The following DOCK10 variants were observed in gnomAD, a reference collection of about 807,000 sequenced individuals.
DOCK10 encodes dedicator of cytokinesis protein 10.
A neutral mutation model predicts 280.1 loss-of-function variants in DOCK10; 145 were observed. That is an observed-to-expected ratio of 0.52 (90% CI 0.45 to 0.59). The LOEUF is 0.59. DOCK10 is among the 20% of genes least tolerant of loss of function. The probability of loss-of-function intolerance (pLI) is 0.00; values close to 1 mark genes in which losing one functional copy is unlikely to be tolerated. For missense variants in DOCK10, 2,368 were observed against 2,651.7 expected (o/e 0.89, Z 2.35); for synonymous variants, 915 against 942.2 (o/e 0.97, Z 0.53).
intron 1 of DOCK10, among the ~76,000 whole-genome samples, chr2:224,968,624 C>G (rs1704907505): frequency 6.6e-6 from 1 of 152,194 alleles, no homozygotes; most frequent in Non-Finnish European, 1.5e-5. Flanking sequence ...AATTTCAAAT[C>G]CTTACTGCTT....
At chr2:224,784,909 G>A (rs1691630338) in intron 50 of DOCK10, among the ~76,000 whole-genome samples, 1 of 152,116 alleles carries the variant, frequency 6.6e-6, no homozygotes, top group South Asian at 2.1e-4. Context: ...TATTAACGGG[G>A]TTTTTTACTT....
intron 1 of DOCK10, among the ~76,000 whole-genome samples, chr2:225,038,328 GA>G (rs1690322259): frequency 6.6e-6 from 1 of 151,626 alleles, no homozygotes; most frequent in East Asian, 1.9e-4. Context: ...ACCAAGTTCA[GA>G]GGGGAGAAAA....
intron 1 of DOCK10, among the ~76,000 whole-genome samples, chr2:225,019,112 T>A (rs1432307435): frequency 6.6e-6 from 1 of 152,148 alleles, no homozygotes; most frequent in Non-Finnish European, 1.5e-5. Flanking sequence ...TACAAACTCT[T>A]CAGCAATTGT....
At chr2:224,967,110 C>G (rs578136043) in intron 1 of DOCK10, among the ~76,000 whole-genome samples, 2 of 147,482 alleles carry the variant, frequency 1.4e-5, no homozygotes, top group East Asian at 2.0e-4. Flanking sequence ...GACGGAGTCT[C>G]GCTCTGTCGC....
intron 13 of DOCK10, among the ~76,000 whole-genome samples, chr2:224,863,730 C>T (rs939066100): frequency 6.6e-6 from 1 of 152,166 alleles, no homozygotes; most frequent in African/African-American, 2.4e-5. Context: ...GGATTACAGG[C>T]GTGAGCCACT....
At chr2:224,992,108 A>G (rs1559934440) in intron 1 of DOCK10, among the ~76,000 whole-genome samples, 1 of 152,238 alleles carries the variant, frequency 6.6e-6, no homozygotes, top group African/African-American at 2.4e-5. Context: ...AAGTTAAGTG[A>G]TCAAATTGGG....
intron 55 of DOCK10, among the ~76,000 whole-genome samples, chr2:224,766,043 T>A (rs1421789600): frequency 1.3e-5 from 2 of 152,236 alleles, no homozygotes; most frequent in African/African-American, 4.8e-5. Context: ...TTAAAATATT[T>A]TCACAATCCT....
intron 27 of DOCK10, among the ~76,000 whole-genome samples, chr2:224,829,801 T>A (rs1230683821): frequency 6.6e-6 from 1 of 152,042 alleles, no homozygotes; most frequent in African/African-American, 2.4e-5. Flanking sequence ...GGATGGGAGA[T>A]GATGAGTAAT....
chr2:224,823,944 T>C (rs1574885840), intron 27 of DOCK10, among the ~76,000 whole-genome samples: 1 of 152,190 alleles, frequency 6.6e-6, no homozygotes, highest in East Asian at 1.9e-4. Context: ...CAAAGTAAAA[T>C]GTGAACCTTC....
At chr2:224,966,925 A>G (rs1704782357) in intron 1 of DOCK10, among the ~76,000 whole-genome samples, 1 of 151,922 alleles carries the variant, frequency 6.6e-6, no homozygotes, top group Admixed American at 6.6e-5. Flanking sequence ...CTCACATTTC[A>G]TGGTATCAGG....
chr2:224,773,079 G>T, intron 53 of DOCK10, 78 bp downstream of exon 53: 1 of 1,295,800 alleles, frequency 7.7e-7, no homozygotes, highest in Non-Finnish European at 1.0e-6. Flanking sequence ...TATATTCTTT[G>T]TAAACAAAGT....
In DOCK10 at chr2:224,919,962, C is replaced by G. The variant is rs183898660; in HGVS notation, c.244-3178G>C. ...AGAGGCTGTGGCTACCAATTCAAACCAGGCATAGGTGCAGGGAGCAAGCAT... is the reference window on the plus strand; with the variant it reads ...AGAGGCTGTGGCTACCAATTCAAACGAGGCATAGGTGCAGGGAGCAAGCAT... On this transcript the variant is annotated intron_variant, in intron 2 of 55. Coordinates refer to ENST00000258390, the MANE Select transcript of DOCK10 (RefSeq NM_014689.3). 3.8e-3 allele frequency among the ~76,000 whole-genome samples: 584 copies of G among 152,256 alleles called. 11 individuals are homozygous for G. Among genetic ancestry groups the G allele is most frequent in the African/African-American group, 0.013 (559 of 41,534 alleles).
intron 1 of DOCK10, among the ~76,000 whole-genome samples, chr2:225,014,081 A>ATATATATATT (rs776104946): frequency 2.9e-4 from 28 of 96,820 alleles, no homozygotes; most frequent in Non-Finnish European, 4.1e-4. Flanking sequence ...GTCTGAATAT[A>ATATATATATT]TTGTTTTTTT....
At chr2:224,955,986 T>G (rs1465578603) in intron 1 of DOCK10, among the ~76,000 whole-genome samples, 2 of 152,172 alleles carry the variant, frequency 1.3e-5, no homozygotes, top group Admixed American at 1.3e-4. Flanking sequence ...AAGAGAGAAT[T>G]AGAACAGACT....
intron 50 of DOCK10, chr2:224,784,828 C>T (rs1234000902): frequency 8.5e-7 from 1 of 1,182,406 alleles, no homozygotes; most frequent in East Asian, 5.7e-5. Context: ...CTTCTACCTG[C>T]TTTAGAGCCC....
rs1699234743 is a variant in DOCK10 at position 224,885,676 on chromosome 2, C to T, written c.742G>A (p.Val248Met). The T allele has an allele frequency of 5.6e-6, 9 of 1,605,846 alleles. No homozygotes were observed. The highest frequency in any genetic ancestry group is 1.7e-4 in the Middle Eastern group (1 of 6,040). Residue 248 changes from valine to methionine, a missense_variant, in exon 7 of 56, where the codon GTG becomes ATG. Around this residue, in one of 2 missense-constraint regions of DOCK10, gnomAD observed 1,209 missense variants for 1,250.9 expected, o/e 0.97. Coordinates refer to ENST00000258390, the MANE Select transcript of DOCK10 (RefSeq NM_014689.3). ...CIFLDSCTGV[V>M]QNNRLRKYAF... Reference sequence around the variant, plus strand: ...GAAAAGGGATGTCTACTCACCTGCACCACTCCTGTACAGGAATCCAAAAAG... The same window carrying T: ...GAAAAGGGATGTCTACTCACCTGCATCACTCCTGTACAGGAATCCAAAAAG...
Position 224,957,291 on chromosome 2 carries a change from C to CT in DOCK10, c.124-25624_124-25623insA, listed in dbSNP as rs1553622561. On this transcript the variant is annotated intron_variant, in intron 1 of 55. Transcript: ENST00000258390. ...TATTTAGTTTTTACTTTCCGCCCCCCCCCGGCTTTGTTTTTCGGAGATGGG... is the reference window on the plus strand; with the variant it reads ...TATTTAGTTTTTACTTTCCGCCCCCCTCCCGGCTTTGTTTTTCGGAGATGGG... Among the ~76,000 whole-genome samples, 126 of 146,184 alleles carry CT rather than the reference C, an allele frequency of 8.6e-4. 4 individuals are homozygous for CT. In the East Asian group the frequency reaches 0.016, roughly 19 times the overall value.
At chr2:225,029,165 TTTTATTTA>T (rs895217481) in intron 1 of DOCK10, among the ~76,000 whole-genome samples, 11 of 152,214 alleles carry the variant, frequency 7.2e-5, no homozygotes, top group African/African-American at 2.4e-4. Flanking sequence ...TTCTATTTTA[TTTTATTTA>T]TTTATTTATT....
At chr2:224,765,921 G>T in intron 55 of DOCK10, 84 bp from the exon 56 acceptor site, 1 of 974,190 alleles carries the variant, frequency 1.0e-6, no homozygotes, top group Non-Finnish European at 1.5e-6. Flanking sequence ...CCAGAATAGA[G>T]GTTTTCATTC....
Sources: gnomAD v4.1 joint callset for allele counts (sites outside exome capture counted in the v4.1 genomes callset) on GRCh38, gnomAD v4.1.1 for gene constraint, gnomAD v4.1.1 regional missense constraint, MANE v1.5 for transcripts, NCBI Gene and HGNC (gene_info 2026-07-23, HGNC 2026-07-21) for gene names.